Variants in PDE11A observed in about 807,000 individuals in gnomAD.
The protein encoded by PDE11A is dual 3',5'-cyclic-AMP and -GMP phosphodiesterase 11A.
PDE11A carries 100 observed loss-of-function variants against 100.5 expected under a neutral mutation model. The observed-to-expected ratio is 1.00, with a 90% confidence interval of 0.85 to 1.18. The LOEUF is 1.18. Among genes scored for constraint, PDE11A ranks in the 50% most tolerant of loss-of-function variants. The pLI is 0.00. For synonymous variants in PDE11A, 381 were observed against 420.8 expected, an observed-to-expected ratio of 0.91 and a Z score of 1.16; for missense variants, 1,141 against 1,152.6, an observed-to-expected ratio of 0.99 and a Z score of 0.15.
At chr2:177,681,027 A>G in intron 15 of PDE11A, 124 bp from the exon 16 acceptor site, 1 of 650,474 alleles carries the variant, frequency 1.5e-6, no homozygotes, top group Admixed American at 2.7e-5. Context: ...GTAACTTAAT[A>G]TTTGAAATCA....
chr2:178,077,260 CTTTTTTTTT>C (rs57259393), upstream of PDE11A, among the ~76,000 whole-genome samples: 1 of 98,634 alleles, frequency 1.0e-5, no homozygotes, highest in South Asian at 3.7e-4. Context: ...TTCTTTCTTT[CTTTTTTTTT>C]TTTTTTTTTT....
intron 19 of PDE11A, among the ~76,000 whole-genome samples, chr2:177,648,923 G>C (rs2080263716): frequency 6.6e-6 from 1 of 151,978 alleles, no homozygotes; most frequent in African/African-American, 2.4e-5. Flanking sequence ...GGATCAGTAA[G>C]AAAATAGCCC....
intron 6 of PDE11A, among the ~76,000 whole-genome samples, chr2:177,821,279 T>C (rs1446767600): frequency 6.6e-6 from 1 of 151,812 alleles, no homozygotes; most frequent in Non-Finnish European, 1.5e-5. Context: ...AGTTTCTCTT[T>C]TTCAATGTTT....
chr2:178,020,147 G>A (rs184897896), intron 1 of PDE11A, among the ~76,000 whole-genome samples: 1 of 152,274 alleles, frequency 6.6e-6, no homozygotes, highest in East Asian at 1.9e-4. Flanking sequence ...AAAATGGGGA[G>A]GAACAAGAAG....
At chr2:177,979,032 C>A in intron 2 of PDE11A, among the ~76,000 whole-genome samples, 1 of 130,194 alleles carries the variant, frequency 7.7e-6, no homozygotes, top group Non-Finnish European at 1.7e-5. Context: ...ACATATGTAA[C>A]TAACCTGCAC....
chr2:177,856,913 C>T (rs1159122243), intron 5 of PDE11A, among the ~76,000 whole-genome samples: 1 of 151,710 alleles, frequency 6.6e-6, no homozygotes, highest in Non-Finnish European at 1.5e-5. Context: ...ACTTCCCATA[C>T]TTGATTGAAA....
intron 15 of PDE11A, chr2:177,688,156 A>G (rs1172223033): frequency 6.6e-6 from 1 of 152,250 alleles, no homozygotes; most frequent in East Asian, 1.9e-4. Context: ...CATGCTATGT[A>G]ACAGCATCAC....
intron 2 of PDE11A, among the ~76,000 whole-genome samples, chr2:177,940,794 G>C (rs545893068): frequency 6.6e-6 from 1 of 152,128 alleles, no homozygotes; most frequent in South Asian, 2.1e-4. Flanking sequence ...AATATATACC[G>C]TGAGTCTCTT....
chr2:177,917,520 A>G (rs2084971260), intron 2 of PDE11A, among the ~76,000 whole-genome samples: 1 of 152,210 alleles, frequency 6.6e-6, no homozygotes, highest in South Asian at 2.1e-4. Context: ...TAACTTTTTA[A>G]AATGTAAGGT....
rs995579218 is a variant in PDE11A at position 177,931,381 on chromosome 2, A to T, written c.1072-26194T>A. Among the ~76,000 whole-genome samples, 6 of 152,326 alleles carry T rather than the reference A, an allele frequency of 3.9e-5. No individual in the cohort carries two copies. The South Asian group carries it at 1.0e-3, about 26-fold the overall frequency. On this transcript the variant is annotated intron_variant, in intron 2 of 19. Transcript: ENST00000286063. ...CCACATATTTATCATTTCTGTCGTGAGAACACTTAAAATCTACTCTCAGCA... is the reference window on the plus strand; with the variant it reads ...CCACATATTTATCATTTCTGTCGTGTGAACACTTAAAATCTACTCTCAGCA...
chr2:177,731,094 AT>A (rs1368435226), intron 10 of PDE11A, among the ~76,000 whole-genome samples: 8 of 152,208 alleles, frequency 5.3e-5, no homozygotes, highest in Admixed American at 3.3e-4. Context: ...AAGTTTATCC[AT>A]GTTAAAGCAT....
intron 6 of PDE11A, among the ~76,000 whole-genome samples, chr2:177,835,203 C>T (rs2083375025): frequency 6.6e-6 from 1 of 152,182 alleles, no homozygotes; most frequent in South Asian, 2.1e-4. Flanking sequence ...CCTCTTCTTT[C>T]TCTGCCTCAT....
chr2:177,903,403 C>T (rs757370725), intron 3 of PDE11A, among the ~76,000 whole-genome samples: 3 of 152,092 alleles, frequency 2.0e-5, no homozygotes, highest in Non-Finnish European at 2.9e-5. Flanking sequence ...CTATACTATG[C>T]AATTTAAAAA....
At chr2:177,725,059 A>G (rs766820220) in intron 12 of PDE11A, among the ~76,000 whole-genome samples, 1 of 152,144 alleles carries the variant, frequency 6.6e-6, no homozygotes, top group South Asian at 2.1e-4. Context: ...ATCACTGATA[A>G]GATCAAAACA....
At chr2:177,907,576 T>C (rs1429007690) in intron 2 of PDE11A, among the ~76,000 whole-genome samples, 1 of 152,220 alleles carries the variant, frequency 6.6e-6, no homozygotes, top group Non-Finnish European at 1.5e-5. Context: ...CCCAAAGTTC[T>C]TGGGAGATAA....
chr2:178,042,124 G>C (rs1374635066), intron 1 of PDE11A, among the ~76,000 whole-genome samples: 2 of 152,130 alleles, frequency 1.3e-5, no homozygotes, highest in Admixed American at 1.3e-4. Context: ...GCCTCAGCTG[G>C]CTTCACATAC....
At chr2:177,644,862 A>C (rs1181291527) in intron 19 of PDE11A, among the ~76,000 whole-genome samples, 1 of 152,202 alleles carries the variant, frequency 6.6e-6, no homozygotes, top group Non-Finnish European at 1.5e-5. Context: ...AAAGTCTGAC[A>C]GTTTTAAAAA....
chr2:177,870,879 T>G (rs1308132973), intron 5 of PDE11A, among the ~76,000 whole-genome samples: 2 of 152,196 alleles, frequency 1.3e-5, no homozygotes, highest in African/African-American at 4.8e-5. Context: ...CATATGCTCA[T>G]GAAGCAAATA....
chr2:177,756,428 C>T (rs757121160), intron 10 of PDE11A, among the ~76,000 whole-genome samples: 2 of 152,182 alleles, frequency 1.3e-5, no homozygotes, highest in Admixed American at 6.5e-5. Context: ...ACTCTCTTCT[C>T]GTTCATTTCT....
Sources: gnomAD v4.1 joint callset for allele counts (sites outside exome capture counted in the v4.1 genomes callset) on GRCh38, gnomAD v4.1.1 for gene constraint, MANE v1.5 for transcripts, NCBI Gene and HGNC (gene_info 2026-07-23, HGNC 2026-07-21) for gene names.